JAKMIP3: variants seen among roughly 807,000 people sequenced by gnomAD.
JAKMIP3 encodes the protein janus kinase and microtubule-interacting protein 3.
Under a neutral mutation model 118.5 loss-of-function variants are expected in JAKMIP3, and 58 were observed. The ratio of observed to expected loss-of-function variants is 0.49; its 90% CI spans 0.40 to 0.61. The LOEUF (loss-of-function observed/expected upper bound fraction) is 0.61, where lower values mean the gene tolerates loss of function less well. JAKMIP3 is among the 20% of genes least tolerant of loss of function. The probability of loss-of-function intolerance (pLI) is 0.00; values close to 1 mark genes in which losing one functional copy is unlikely to be tolerated. For synonymous variants in JAKMIP3, 486 were observed against 451.2 expected, an observed-to-expected ratio of 1.08 and a Z score of -0.98; for missense variants, 950 against 1,109.0, an observed-to-expected ratio of 0.86 and a Z score of 2.04.
At chr10:132,177,539 C>T (rs2137055635) in intron 23 of JAKMIP3, among the ~76,000 whole-genome samples, 2 of 146,080 alleles carry the variant, frequency 1.4e-5, no homozygotes, top group Middle Eastern at 8.1e-3. Context: ...TGTGTGTGCA[C>T]ACTGTGCATT....
rs2056625913 is a variant in JAKMIP3, at chr10:132,153,674, G to A, written c.2074-85G>A. 4.6e-6 allele frequency: 6 copies of A among 1,306,582 alleles called. No homozygotes were observed. The Admixed American group carries it at 1.0e-4, about 22-fold the overall frequency. The allele number at this position is 1,306,582 out of a possible 1,614,324, so 80.9% of individuals were successfully genotyped here. On this transcript the variant is annotated intron_variant, in intron 17 of 23. Coordinates refer to ENST00000684848, the MANE Select transcript of JAKMIP3 (RefSeq NM_001323087.2). ...GAGAAGAGGAAGGAAGACCCAGGCT[G>A]TCCTGGCTTTTCTCCCAGCTGTCTC...
chr10:132,039,535 C>T lies in JAKMIP3; in HGVS notation c.-138+2797C>T, dbSNP rs1156387163. Among the ~76,000 whole-genome samples, 3 of 152,188 alleles carry T rather than the reference C, an allele frequency of 2.0e-5. No homozygotes were observed. The East Asian group carries it at 5.8e-4, about 29-fold the overall frequency. On this transcript the variant is annotated intron_variant, in intron 1 of 23. Coordinates refer to the JAKMIP3 transcript ENST00000657785. ...CAAGGCTGAGAGGCCTGGCCCTCTA[C>T]ACGTGCCAGGACTTCCTGCTGCATG... is the stretch of plus-strand genomic sequence containing the variant.
intron 1 of JAKMIP3, among the ~76,000 whole-genome samples, chr10:132,045,364 G>A (rs1475915857): frequency 6.6e-6 from 1 of 152,070 alleles, no homozygotes; most frequent in Non-Finnish European, 1.5e-5. Context: ...TGTCTCCCCG[G>A]CAGATTTTAA....
chr10:132,140,861 A>G (rs976711549), intron 10 of JAKMIP3, among the ~76,000 whole-genome samples: 1 of 152,202 alleles, frequency 6.6e-6, no homozygotes. Context: ...TCCTTCTGCC[A>G]CTGAGCCTAC....
chr10:132,105,090 G>C (rs1022311210), intron 2 of JAKMIP3, 147 bp downstream of exon 2: 3 of 943,780 alleles, frequency 3.2e-6, no homozygotes, highest in Admixed American at 2.7e-5. Context: ...ACCACTTGGT[G>C]GGGGGTGGGG....
intron 1 of JAKMIP3, among the ~76,000 whole-genome samples, chr10:132,087,804 C>T (rs1564882954): frequency 6.6e-6 from 1 of 151,796 alleles, no homozygotes; most frequent in Non-Finnish European, 1.5e-5. Flanking sequence ...GTGTGCTGCA[C>T]CCATTAACTC....
chr10:132,154,127 G>A, intron 19 of JAKMIP3, 137 bp downstream of exon 19: 7 of 684,132 alleles, frequency 1.0e-5, no homozygotes, highest in South Asian at 9.2e-5. Context: ...AATGACACCT[G>A]CACAGCAGGC....
chr10:132,162,861 C>A (rs2058498111), intron 19 of JAKMIP3, among the ~76,000 whole-genome samples: 1 of 151,984 alleles, frequency 6.6e-6, no homozygotes, highest in Admixed American at 6.6e-5. Context: ...GCGTGTGACC[C>A]CACACTCAGC....
At chr10:132,169,410 C>T (rs1036589286) in intron 23 of JAKMIP3, among the ~76,000 whole-genome samples, 4 of 152,196 alleles carry the variant, frequency 2.6e-5, no homozygotes, top group Non-Finnish European at 4.4e-5. Flanking sequence ...ACGTGGACGC[C>T]GCCCCACACT....
At chr10:132,048,605 T>G (rs1262719727) in intron 1 of JAKMIP3, among the ~76,000 whole-genome samples, 3 of 152,118 alleles carry the variant, frequency 2.0e-5, no homozygotes, top group Non-Finnish European at 4.4e-5. Flanking sequence ...GTGTGTGTGT[T>G]TTGTTAAGTA....
At chr10:132,116,526 C>T (rs1417924588) in intron 2 of JAKMIP3, among the ~76,000 whole-genome samples, 20 of 127,242 alleles carry the variant, frequency 1.6e-4, no homozygotes, top group African/African-American at 1.5e-4. Context: ...GCATCATGGA[C>T]GCTCCCCCCG....
At chr10:132,133,023 G>A (rs552807393) in intron 3 of JAKMIP3, among the ~76,000 whole-genome samples, 19 of 152,306 alleles carry the variant, frequency 1.2e-4, no homozygotes, top group South Asian at 1.0e-3. Context: ...CCAGGGCCCC[G>A]GCAGGACAGC....
chr10:132,141,020 C>A (rs1298502339), intron 10 of JAKMIP3, among the ~76,000 whole-genome samples: 3 of 152,220 alleles, frequency 2.0e-5, no homozygotes, highest in African/African-American at 7.2e-5. Context: ...CTGATAACAG[C>A]ACAGGTGTGT....
chr10:132,036,629 G>A (rs1485961950), upstream of JAKMIP3, among the ~76,000 whole-genome samples: 1 of 151,042 alleles, frequency 6.6e-6, no homozygotes, highest in Admixed American at 6.6e-5. Context: ...GGCGGGCCGG[G>A]TTCGGGGCTC....
intron 8 of JAKMIP3, among the ~76,000 whole-genome samples, chr10:132,137,749 T>G (rs2052125294): frequency 6.6e-6 from 1 of 152,198 alleles, no homozygotes; most frequent in Admixed American, 6.5e-5. Flanking sequence ...CACACAGATG[T>G]GGACGCCACC....
At chr10:132,152,818 T>G (rs2056443194) in intron 16 of JAKMIP3, 140 bp from the exon 17 acceptor site, 2 of 632,346 alleles carry the variant, frequency 3.2e-6, no homozygotes. Flanking sequence ...GAGATGTCAG[T>G]CAAAGCACTT....
intron 14 of JAKMIP3, among the ~76,000 whole-genome samples, chr10:132,148,871 C>T (rs2055233702): frequency 2.0e-5 from 3 of 152,346 alleles, no homozygotes; most frequent in Admixed American, 1.3e-4. Flanking sequence ...GCCTCCGTCT[C>T]AGGCCAGCAC....
chr10:132,153,698 T>C, intron 17 of JAKMIP3, 61 bp from the exon 18 acceptor site: 1 of 1,531,696 alleles, frequency 6.5e-7, no homozygotes, highest in Non-Finnish European at 9.0e-7. Flanking sequence ...CCCAGCTGTC[T>C]CCACGAGCCG....
chr10:132,139,204 G>GTT lies in JAKMIP3; in HGVS notation c.1344+1027_1344+1028insTT, dbSNP rs112246622. Among the ~76,000 whole-genome samples, 81 of 130,432 alleles carry GTT rather than the reference G, an allele frequency of 6.2e-4. 3 individuals are homozygous for GTT. Among genetic ancestry groups the GTT allele is most frequent in the African/African-American group, 2.1e-3 (73 of 34,280 alleles). 85.6% of individuals were successfully genotyped at this position (130,432 alleles called of 152,430 possible). On this transcript the variant is annotated intron_variant, in intron 9 of 23. Transcript: ENST00000684848. ...TCTGTGTATGTGTGTGTATGAGTGT[G>GTT]TGTGTGTATGTGTGTACATGTGAGT...
Sources: gnomAD v4.1 joint callset for allele counts (sites outside exome capture counted in the v4.1 genomes callset) on GRCh38, gnomAD v4.1.1 for gene constraint, MANE v1.5 for transcripts, NCBI Gene and HGNC (gene_info 2026-07-23, HGNC 2026-07-21) for gene names.